The following SGCG variants were observed in gnomAD, a reference collection of about 807,000 sequenced individuals.
SGCG encodes the protein gamma-sarcoglycan.
SGCG carries 26 observed loss-of-function variants against 29.3 expected under a neutral mutation model. That is an observed-to-expected ratio of 0.89 (90% CI 0.65 to 1.23). The LOEUF is 1.23. Ranked by LOEUF, SGCG falls within the 50% of genes most tolerant of loss-of-function variation. The pLI, the probability that SGCG is intolerant of heterozygous loss-of-function variation, is 0.00. For missense variants in SGCG, 353 were observed against 356.0 expected (o/e 0.99, Z 0.07); for synonymous variants, 145 against 129.7 (o/e 1.12, Z -0.80).
chr13:23,220,867 T>G (rs1036527741), intron 2 of SGCG, among the ~76,000 whole-genome samples: 4 of 152,218 alleles, frequency 2.6e-5, no homozygotes, highest in Non-Finnish European at 5.9e-5. Flanking sequence ...TCACTGACTA[T>G]TTTCAGAATC....
intron 4 of SGCG, among the ~76,000 whole-genome samples, chr13:23,253,829 C>T (rs553594253): frequency 3.5e-4 from 53 of 152,266 alleles, no homozygotes; most frequent in African/African-American, 1.2e-3. Flanking sequence ...CACATGACAT[C>T]TGGTTGTTTA....
chr13:23,315,818 G>A (rs535244224), intron 6 of SGCG, among the ~76,000 whole-genome samples: 5 of 152,198 alleles, frequency 3.3e-5, no homozygotes, highest in Non-Finnish European at 7.3e-5. Context: ...GAAATTTGGG[G>A]AAGAGATATG....
chr13:23,276,431 C>CTTTTTTTTTTT lies in SGCG; in HGVS notation c.386-2919_386-2909dup, dbSNP rs71100165. Among the ~76,000 whole-genome samples, 57 of 102,378 alleles carry CTTTTTTTTTTT rather than the reference C, an allele frequency of 5.6e-4. 3 individuals are homozygous for CTTTTTTTTTTT. Among genetic ancestry groups the CTTTTTTTTTTT allele is most frequent in the East Asian group, 8.6e-4 (3 of 3,486 alleles). 67.2% of individuals were successfully genotyped at this position (102,378 alleles called of 152,430 possible). ...CATGAACGCTTTCTTTTTTAGTTTT[C>CTTTTTTTTTTT]TTTTTTTTTTTTTTTTTTTGAGACA... On this transcript the variant is annotated intron_variant, in intron 4 of 7. Coordinates refer to ENST00000218867, the MANE Select transcript of SGCG (RefSeq NM_000231.3).
intron 6 of SGCG, among the ~76,000 whole-genome samples, chr13:23,297,001 T>A (rs921963856): frequency 1.3e-5 from 2 of 152,184 alleles, no homozygotes; most frequent in Non-Finnish European, 2.9e-5. Context: ...GGACAATTAA[T>A]ATATTTTAAT....
intron 6 of SGCG, among the ~76,000 whole-genome samples, chr13:23,298,885 G>A: frequency 6.6e-6 from 1 of 152,138 alleles, no homozygotes; most frequent in East Asian, 1.9e-4. Flanking sequence ...CGGTACTGAG[G>A]AAGGATTGAG....
intron 2 of SGCG, among the ~76,000 whole-genome samples, chr13:23,229,864 T>C (rs1008635396): frequency 6.6e-6 from 1 of 152,242 alleles, no homozygotes; most frequent in Non-Finnish European, 1.5e-5. Context: ...TGCTGGTTCC[T>C]ATATCCTAAA....
At chr13:23,225,404 T>C (rs1878857006) in intron 2 of SGCG, among the ~76,000 whole-genome samples, 1 of 152,328 alleles carries the variant, frequency 6.6e-6, no homozygotes, top group South Asian at 2.1e-4. Context: ...TACTTAAGTG[T>C]CTTGTTCTTC....
chr13:23,255,473 G>A (rs1880142056), intron 4 of SGCG, among the ~76,000 whole-genome samples: 1 of 152,210 alleles, frequency 6.6e-6, no homozygotes, highest in East Asian at 1.9e-4. Context: ...GGGAAGGGAT[G>A]ATTGTATTTT....
intron 6 of SGCG, among the ~76,000 whole-genome samples, chr13:23,313,182 T>TG (rs1555247154): frequency 2.7e-5 from 4 of 146,938 alleles, no homozygotes; most frequent in Non-Finnish European, 1.5e-5. Context: ...TTTTTTTTTT[T>TG]GAGATGGAGT....
chr13:23,187,797 T>G (rs1284135377), intron 1 of SGCG, among the ~76,000 whole-genome samples: 1 of 150,108 alleles, frequency 6.7e-6, no homozygotes, highest in Non-Finnish European at 1.5e-5. Context: ...ATTCTGTGCA[T>G]GGGATTATGC....
At chr13:23,289,382 T>C (rs1296086597) in intron 5 of SGCG, among the ~76,000 whole-genome samples, 5 of 152,234 alleles carry the variant, frequency 3.3e-5, no homozygotes, top group Admixed American at 2.6e-4. Context: ...GCTACCTTTC[T>C]TCTCTGCAAG....
rs570169794 is a variant in SGCG, at chr13:23,250,667, C to G, written c.335C>G (p.Thr112Ser). The G allele has an allele frequency of 1.2e-6, 2 of 1,613,010 alleles. No individual in the cohort carries two copies. The highest frequency in any genetic ancestry group is 3.3e-5 in the Admixed American group (2 of 60,002). ...CTTCTACAATCAACCCAGAATGTGA[C>G]TGTAAATGCGCGCAACTCAGAAGGG... is the stretch of plus-strand genomic sequence containing the variant. ...SLLLQSTQNV[T>S]VNARNSEGEV... Residue 112 changes from threonine (T) to serine (S), a missense_variant, in exon 4 of 8, where the codon ACT (threonine) becomes AGT (serine). Physicochemically the swap from Thr to Ser is moderately conservative, Grantham distance 58. Coordinates refer to ENST00000218867, the MANE Select transcript of SGCG (RefSeq NM_000231.3).
At chr13:23,216,356 A>G (rs1248847545) in intron 2 of SGCG, among the ~76,000 whole-genome samples, 1 of 152,146 alleles carries the variant, frequency 6.6e-6, no homozygotes, top group Non-Finnish European at 1.5e-5. Context: ...TAAATATTTT[A>G]TGATTCAAAA....
chr13:23,222,595 G>A (rs976662686), intron 2 of SGCG, among the ~76,000 whole-genome samples: 1 of 152,124 alleles, frequency 6.6e-6, no homozygotes, highest in Non-Finnish European at 1.5e-5. Context: ...GGAGGCTGAG[G>A]TGGGCAGATC....
intron 2 of SGCG, among the ~76,000 whole-genome samples, chr13:23,216,001 G>T (rs181376485): frequency 1.3e-5 from 2 of 151,966 alleles, no homozygotes; most frequent in Admixed American, 6.6e-5. Context: ...ATGTAAAAGA[G>T]GATAATTATC....
upstream of SGCG, among the ~76,000 whole-genome samples, chr13:23,178,572 A>G (rs1456594351): frequency 2.0e-5 from 3 of 152,318 alleles, no homozygotes; most frequent in Non-Finnish European, 4.4e-5. Context: ...TACTATCCAT[A>G]TATTTATAAC....
intron 3 of SGCG, among the ~76,000 whole-genome samples, chr13:23,241,006 G>A (rs865944317): frequency 1.5e-4 from 23 of 151,914 alleles, no homozygotes; most frequent in East Asian, 5.8e-4. Context: ...AAAATTAACC[G>A]GGCGTGGTGG....
intron 2 of SGCG, among the ~76,000 whole-genome samples, chr13:23,221,884 C>G (rs1878669624): frequency 6.6e-6 from 1 of 152,008 alleles, no homozygotes; most frequent in African/African-American, 2.4e-5. Context: ...GCCCTAGTAC[C>G]CATTCATATA....
At chr13:23,235,502 G>C (rs1879276318) in intron 3 of SGCG, among the ~76,000 whole-genome samples, 1 of 152,136 alleles carries the variant, frequency 6.6e-6, no homozygotes, top group Admixed American at 6.5e-5. Context: ...ATACTTATGT[G>C]ACTTTAAAAG....
Sources: gnomAD v4.1 joint callset for allele counts (sites outside exome capture counted in the v4.1 genomes callset) on GRCh38, gnomAD v4.1.1 for gene constraint, MANE v1.5 for transcripts, NCBI Gene and HGNC (gene_info 2026-07-23, HGNC 2026-07-21) for gene names.